Variants in PAQR3 observed in about 807,000 individuals in gnomAD.
The protein encoded by PAQR3 is progestin and adipoQ receptor family member 3.
Under a neutral mutation model 41.7 loss-of-function variants are expected in PAQR3, and 39 were observed. The observed-to-expected ratio is 0.93, with a 90% CI of 0.72 to 1.22. PAQR3 has a LOEUF of 1.22. PAQR3 is among the 50% of genes most tolerant of loss of function. The pLI, the probability that PAQR3 is intolerant of heterozygous loss-of-function variation, is 0.00. For missense variants in PAQR3, 366 were observed against 385.6 expected (o/e 0.95, Z 0.42); for synonymous variants, 140 against 140.6 (o/e 1.00, Z 0.03).
At chr4:78,911,164 C>G, downstream of PAQR3, 1 of 1,613,730 alleles carries the variant, frequency 6.2e-7, no homozygotes, top group Non-Finnish European at 8.5e-7. Context: ...ACAGCCCCAG[C>G]AAGAAAAGAA....
Position 78,935,254 on chromosome 4 carries a change from T to C in PAQR3, c.215A>G (p.Asn72Ser). 6.2e-7 allele frequency: 1 copy of C among 1,612,598 alleles called. No homozygotes were observed. Among genetic ancestry groups the C allele is most frequent in the Non-Finnish European group, 8.5e-7 (1 of 1,179,464 alleles). ...SLFILSNETV[N>S]IWSHLLGFFL... The stretch of plus-strand genomic sequence containing the variant: ...GAAACCCAGCAAATGACTCCAGATG[T>C]TTACTGTCTCATTAGATAAAATAAA... The change falls in exon 2 of 6, where the codon AAC (asparagine) becomes AGC (serine). Residue 72 changes from asparagine to serine, a missense_variant. By Grantham distance (46) the Asn-to-Ser change is conservative. Transcript: ENST00000512733.
chr4:78,910,656 T>C, downstream of PAQR3: 2 of 1,566,584 alleles, frequency 1.3e-6, no homozygotes, highest in East Asian at 2.2e-5. Context: ...ATCAAGAAAA[T>C]GGCACTGCAA....
intron 11 of PAQR3, among the ~76,000 whole-genome samples, chr4:78,891,370 C>T (rs1007664986): frequency 6.6e-6 from 1 of 152,010 alleles, no homozygotes; most frequent in African/African-American, 2.4e-5. Context: ...GATGTTGTAC[C>T]TTTTATTCAT....
At chr4:78,902,224 G>C (rs969441174) in intron 11 of PAQR3, among the ~76,000 whole-genome samples, 2 of 152,112 alleles carry the variant, frequency 1.3e-5, no homozygotes, top group African/African-American at 4.8e-5. Flanking sequence ...TTTATAAGTA[G>C]GAATCTGGCT....
At chr4:78,899,634 T>C (rs974436148) in intron 11 of PAQR3, among the ~76,000 whole-genome samples, 2 of 150,494 alleles carry the variant, frequency 1.3e-5, no homozygotes, top group African/African-American at 2.4e-5. Flanking sequence ...ACAGGAGAAG[T>C]ACAGGAGGGC....
downstream of PAQR3, chr4:78,911,240 T>C: frequency 6.2e-7 from 1 of 1,613,956 alleles, no homozygotes; most frequent in Non-Finnish European, 8.5e-7. Flanking sequence ...TTTGATGTAT[T>C]CACAAAGGCG....
At chr4:78,903,289 T>G (rs925604190) in intron 11 of PAQR3, among the ~76,000 whole-genome samples, 1 of 152,042 alleles carries the variant, frequency 6.6e-6, no homozygotes, top group Non-Finnish European at 1.5e-5. Flanking sequence ...ATTACCTTGG[T>G]CACTCATTTT....
At chr4:78,893,577 T>C (rs918225757) in intron 11 of PAQR3, among the ~76,000 whole-genome samples, 11 of 152,218 alleles carry the variant, frequency 7.2e-5, no homozygotes, top group African/African-American at 2.7e-4. Flanking sequence ...ATAATAAGAC[T>C]TTTAAAAATG....
downstream of PAQR3, among the ~76,000 whole-genome samples, chr4:78,907,638 A>G (rs1460400985): frequency 6.6e-6 from 1 of 152,198 alleles, no homozygotes; most frequent in Admixed American, 6.5e-5. Context: ...AGGGTTCATA[A>G]AATTAGATTC....
At chr4:78,931,015 T>C (rs1369535483) in intron 2 of PAQR3, among the ~76,000 whole-genome samples, 1 of 151,800 alleles carries the variant, frequency 6.6e-6, no homozygotes, top group African/African-American at 2.4e-5. Context: ...GTATAGAGTT[T>C]ACTTTTAATT....
At position 78,919,687 on chromosome 4, in the gene PAQR3, AC is replaced by A; in HGVS notation, c.*851del. 1 of 985,180 alleles carries A rather than the reference AC, an allele frequency of 1.0e-6. No individual in the cohort carries two copies. The highest frequency in any genetic ancestry group is 1.1e-4 in the East Asian group (1 of 8,816). The allele number at this position is 985,180 out of a possible 1,614,324, so 61.0% of individuals were successfully genotyped here. On this transcript the variant is annotated 3_prime_UTR_variant, in exon 6 of 6. Transcript: ENST00000512733. ...CCCCACCACTGGGATATTCAGGACT[AC>A]AAATTCAGAGAGTTGAAAGCTCTGG...
intron 2 of PAQR3, chr4:78,933,345 G>A (rs1462258644): frequency 9.0e-6 from 4 of 445,228 alleles, no homozygotes; most frequent in Non-Finnish European, 1.8e-5. Flanking sequence ...ACCCTGGGAA[G>A]GTTCAAAGCC....
chr4:78,911,512 A>C (rs376045171), downstream of PAQR3: 3 of 1,613,956 alleles, frequency 1.9e-6, no homozygotes, highest in African/African-American at 4.0e-5. Context: ...AAAGCAGGAT[A>C]TGTCCAAAAG....
chr4:78,930,943 C>A (rs1736806701), intron 2 of PAQR3, among the ~76,000 whole-genome samples: 2 of 151,546 alleles, frequency 1.3e-5, no homozygotes, highest in Admixed American at 6.6e-5. Context: ...TCACACTATG[C>A]ATTCTGTTCC....
downstream of PAQR3, among the ~76,000 whole-genome samples, chr4:78,909,055 CTTTTTTTTTTTT>C (rs1053664659): frequency 1.2e-4 from 11 of 94,412 alleles, no homozygotes; most frequent in South Asian, 3.9e-3. Context: ...TTCCCTTAGT[CTTTTTTTTTTTT>C]TTTTTTTTTT....
intron 2 of PAQR3, among the ~76,000 whole-genome samples, chr4:78,932,744 TC>T (rs1331180528): frequency 6.6e-6 from 1 of 152,112 alleles, no homozygotes; most frequent in Non-Finnish European, 1.5e-5. Context: ...AACTATGGTA[TC>T]CAAGGGAAAA....
chr4:78,925,511 G>C (rs569327156), intron 4 of PAQR3, among the ~76,000 whole-genome samples: 1 of 152,242 alleles, frequency 6.6e-6, no homozygotes, highest in Admixed American at 6.5e-5. Flanking sequence ...CAAGTAGCCA[G>C]ATTATATCAC....
In PAQR3 at chr4:78,918,195, A is replaced by T; in HGVS notation, c.*2344T>A. On this transcript the variant is annotated 3_prime_UTR_variant, in exon 6 of 6. Transcript: ENST00000512733. ...TTATAGTTCACACATTGGTAAAATTAAAACCAGTCTTTTTTAGTAATAAAA... is the reference window on the plus strand; with the variant it reads ...TTATAGTTCACACATTGGTAAAATTTAAACCAGTCTTTTTTAGTAATAAAA... 2.1e-6 allele frequency: 2 copies of T among 940,024 alleles called. No individual in the cohort carries two copies. Among genetic ancestry groups the T allele is most frequent in the South Asian group, 9.8e-5 (2 of 20,348 alleles). 58.2% of individuals were successfully genotyped at this position (940,024 alleles called of 1,614,324 possible).
chr4:78,930,587 C>G (rs1736758154), intron 2 of PAQR3: 2 of 252,130 alleles, frequency 7.9e-6, no homozygotes, highest in South Asian at 3.1e-4. Context: ...AACTATATTA[C>G]AAAATGAAAA....
Sources: gnomAD v4.1 joint callset for allele counts (sites outside exome capture counted in the v4.1 genomes callset) on GRCh38, gnomAD v4.1.1 for gene constraint, MANE v1.5 for transcripts, NCBI Gene and HGNC (gene_info 2026-07-23, HGNC 2026-07-21) for gene names.